The following CADM2 variants were observed in gnomAD, a reference collection of about 807,000 sequenced individuals.
CADM2 encodes immunoglobulin superfamily member 4D.
A neutral mutation model predicts 49.8 loss-of-function variants in CADM2; 12 were observed. The ratio of observed to expected loss-of-function variants is 0.24; its 90% CI spans 0.15 to 0.39. The LOEUF (loss-of-function observed/expected upper bound fraction) is 0.39. Among genes scored for constraint, CADM2 ranks in the 10% least tolerant of loss-of-function variants. The pLI is 1.00. For synonymous variants in CADM2, 214 were observed against 175.4 expected, an observed-to-expected ratio of 1.22 and a Z score of -1.74; for missense variants, 378 against 492.3, an observed-to-expected ratio of 0.77 and a Z score of 2.20.
intron 1 of CADM2, among the ~76,000 whole-genome samples, chr3:85,446,991 C>CATAT (rs141177883): frequency 0.17 from 9,301 of 53,900 alleles, 1,091 homozygotes; most frequent in Non-Finnish European, 0.2. Context: ...ATATGTATTG[C>CATAT]ATATATATAT....
chr3:85,243,807 G>A (rs1038896594), intron 1 of CADM2, among the ~76,000 whole-genome samples: 1 of 151,954 alleles, frequency 6.6e-6, no homozygotes, highest in African/African-American at 2.4e-5. Flanking sequence ...GACTTTTCAT[G>A]ATCCTCTTTT....
intron 1 of CADM2, among the ~76,000 whole-genome samples, chr3:85,549,084 G>A (rs2061735513): frequency 6.6e-6 from 1 of 152,154 alleles, no homozygotes; most frequent in South Asian, 2.1e-4. Flanking sequence ...ATCAATAAAT[G>A]TACAGCCTCT....
At chr3:85,601,326 CT>C (rs1459386950) in intron 1 of CADM2, among the ~76,000 whole-genome samples, 1 of 149,770 alleles carries the variant, frequency 6.7e-6, no homozygotes, top group Non-Finnish European at 1.5e-5. Context: ...AATTTATTTT[CT>C]CTTTTACTGA....
At chr3:86,058,796 TA>T (rs900712296) in intron 8 of CADM2, among the ~76,000 whole-genome samples, 3 of 152,048 alleles carry the variant, frequency 2.0e-5, no homozygotes, top group African/African-American at 7.2e-5. Flanking sequence ...GTATTTTTTA[TA>T]AAAAAATTTT....
intron 1 of CADM2, among the ~76,000 whole-genome samples, chr3:85,301,439 T>C (rs1426981530): frequency 1.3e-5 from 2 of 152,086 alleles, no homozygotes; most frequent in Non-Finnish European, 2.9e-5. Context: ...CAATATTTTC[T>C]TCTATAAATT....
intron 1 of CADM2, among the ~76,000 whole-genome samples, chr3:85,430,671 A>G (rs577674221): frequency 1.2e-4 from 16 of 131,702 alleles, no homozygotes; most frequent in Non-Finnish European, 2.5e-4. Flanking sequence ...GAAAGAGGAG[A>G]AAGACAGAGA....
At chr3:85,559,101 T>A (rs918640124) in intron 1 of CADM2, among the ~76,000 whole-genome samples, 1 of 152,092 alleles carries the variant, frequency 6.6e-6, no homozygotes, top group Non-Finnish European at 1.5e-5. Flanking sequence ...TTGAGGCTCT[T>A]TTCTAAGTAT....
In CADM2 at chr3:85,447,604, A is replaced by G. The variant is rs117099341; in HGVS notation, c.62-278918A>G. 6.7e-3 allele frequency among the ~76,000 whole-genome samples: 1,023 copies of G among 152,290 alleles called. 56 individuals are homozygous for G. The East Asian group carries it at 0.11, about 17-fold the overall frequency. On this transcript the variant is annotated intron_variant, in intron 1 of 9. Coordinates refer to ENST00000383699, the MANE Select transcript of CADM2 (RefSeq NM_001167675.2). ...TCTATCTACAGCACACGTTGTGGCT[A>G]CAAAAAATTGCCTAAGCATTTACAT...
At chr3:85,563,103 A>G (rs1169205741) in intron 1 of CADM2, among the ~76,000 whole-genome samples, 1 of 152,160 alleles carries the variant, frequency 6.6e-6, no homozygotes, top group Non-Finnish European at 1.5e-5. Flanking sequence ...TTAGATAAGA[A>G]AATTTTACTG....
chr3:85,332,781 G>C (rs1007877766), intron 1 of CADM2, among the ~76,000 whole-genome samples: 3 of 151,802 alleles, frequency 2.0e-5, no homozygotes, highest in African/African-American at 7.2e-5. Context: ...GCAGATAAAA[G>C]ATCTACTGCT....
intron 8 of CADM2, among the ~76,000 whole-genome samples, chr3:85,995,099 C>T (rs112953732): frequency 6.7e-6 from 1 of 148,316 alleles, no homozygotes; most frequent in African/African-American, 2.5e-5. Context: ...CACAAACAGA[C>T]AACAGCTGTT....
intron 1 of CADM2, among the ~76,000 whole-genome samples, chr3:85,594,601 A>T (rs888364120): frequency 5.3e-5 from 8 of 151,954 alleles, no homozygotes; most frequent in African/African-American, 1.9e-4. Context: ...GAGAGAATAC[A>T]TTTGTATTGA....
chr3:85,251,863 G>C (rs953533063), intron 1 of CADM2, among the ~76,000 whole-genome samples: 7 of 151,980 alleles, frequency 4.6e-5, no homozygotes, highest in African/African-American at 1.7e-4. Flanking sequence ...AAGACATTGA[G>C]AGGCTCTTTA....
chr3:86,011,111 A>G (rs1412593560), intron 8 of CADM2, among the ~76,000 whole-genome samples: 1 of 152,098 alleles, frequency 6.6e-6, no homozygotes, highest in Admixed American at 6.5e-5. Context: ...GCTTCCCATT[A>G]GTTTGTATAA....
intron 8 of CADM2, among the ~76,000 whole-genome samples, chr3:86,029,530 C>G (rs1256844825): frequency 6.6e-6 from 1 of 151,792 alleles, no homozygotes; most frequent in East Asian, 1.9e-4. Context: ...CATATTTAAA[C>G]AGTGATTTGC....
chr3:85,107,658 TTTTTC>T (rs1559666155), intron 1 of CADM2, among the ~76,000 whole-genome samples: 1 of 148,400 alleles, frequency 6.7e-6, no homozygotes, highest in African/African-American at 2.4e-5. Flanking sequence ...TTTCTTTCTT[TTTTTC>T]CTTCCTTCCT....
At chr3:85,509,282 A>G (rs1194628705) in intron 1 of CADM2, among the ~76,000 whole-genome samples, 1 of 152,124 alleles carries the variant, frequency 6.6e-6, no homozygotes, top group Non-Finnish European at 1.5e-5. Flanking sequence ...ATAGTAGGGG[A>G]AAGTAGAAAT....
intron 1 of CADM2, among the ~76,000 whole-genome samples, chr3:85,107,479 C>G (rs1011747856): frequency 6.6e-6 from 1 of 151,922 alleles, no homozygotes; most frequent in African/African-American, 2.4e-5. Context: ...GTGACGAAGG[C>G]AAAAAATTAG....
In CADM2 at chr3:85,729,309, G is replaced by T. The variant is rs192495009; in HGVS notation, c.88+2761G>T. Among the ~76,000 whole-genome samples the T allele has an allele frequency of 2.6e-3, 399 of 152,210 alleles. 2 individuals carry two copies. Among genetic ancestry groups the T allele is most frequent in the African/African-American group, 9.3e-3 (388 of 41,544 alleles). On this transcript the variant is annotated intron_variant, in intron 2 of 9. Coordinates refer to ENST00000383699, the MANE Select transcript of CADM2 (RefSeq NM_001167675.2). ...TGAAAAGATCAACTATTGTAGTGTA[G>T]GTTCAGCTTTCCACACTGCCTTTGA...
Sources: allele counts gnomAD v4.1 joint callset (sites outside exome capture counted in the v4.1 genomes callset), GRCh38; gene constraint gnomAD v4.1.1; transcripts MANE v1.5; gene names NCBI Gene and HGNC (gene_info 2026-07-23, HGNC 2026-07-21).